PIEZO1: variants seen among roughly 807,000 people sequenced by gnomAD.
PIEZO1 encodes the protein piezo type mechanosensitive ion channel component 1 (Er blood group).
PIEZO1 carries 296 observed loss-of-function variants against 297.2 expected under a neutral mutation model. The ratio of observed to expected loss-of-function variants is 1.00; its 90% CI spans 0.91 to 1.10. The LOEUF (loss-of-function observed/expected upper bound fraction) is 1.10, where lower values mean the gene tolerates loss of function less well. Among genes scored for constraint, PIEZO1 ranks in the 50% least tolerant of loss-of-function variants. The pLI, the probability that PIEZO1 is intolerant of heterozygous loss-of-function variation, is 0.00. For synonymous variants in PIEZO1, 2,427 were observed against 1,507.5 expected, an observed-to-expected ratio of 1.61 and a Z score of -14.13; for missense variants, 5,018 against 3,455.5, an observed-to-expected ratio of 1.45 and a Z score of -11.34.
Position 88,760,327 on chromosome 16 carries a change from G to A in PIEZO1, c.65-10848C>T, listed in dbSNP as rs138729550. On this transcript the variant is annotated intron_variant, in intron 1 of 50. Transcript: ENST00000301015. ...AGGAAGCCCCTCTTCCTGCCTCATG[G>A]ACAAAGAAGAGTTGAGAGAAACTCA... is the stretch of plus-strand genomic sequence containing the variant. 7.8e-3 allele frequency among the ~76,000 whole-genome samples: 1,181 copies of A among 152,262 alleles called. 10 individuals carry two copies. Among genetic ancestry groups the A allele is most frequent in the African/African-American group, 0.027 (1,124 of 41,538 alleles).
At position 88,725,483 on chromosome 16, in the gene PIEZO1, C is replaced by G. The variant is rs948174208; in HGVS notation, c.4095G>C (p.Arg1365Ser). 1 of 1,524,690 alleles carries G rather than the reference C, an allele frequency of 6.6e-7. No individual in the cohort carries two copies. Among genetic ancestry groups the G allele is most frequent in the African/African-American group, 1.4e-5 (1 of 72,568 alleles). 94.4% of individuals were successfully genotyped at this position (1,524,690 alleles called of 1,614,324 possible). A position where few individuals can be genotyped will look rare whatever the true frequency, so the allele number is the denominator to read the frequency against. The change falls in exon 29 of 51, where the codon AGG becomes AGC. Residue 1365 changes from arginine (R) to serine (S), a missense_variant. Arg to Ser is a moderately radical substitution (Grantham distance 110). Transcript: ENST00000301015. ...ERIRAKQEKH[R>S]QGRVDRSRPQ... ...GGCGACTGCGGTCCACCCGGCCCTG[C>G]CTGTGCTTCTCCTGCTTGGCACGGA... is the stretch of plus-strand genomic sequence containing the variant.
chr16:88,767,090 C>T (rs541194403), intron 1 of PIEZO1, among the ~76,000 whole-genome samples: 3 of 152,378 alleles, frequency 2.0e-5, no homozygotes, highest in South Asian at 2.1e-4. Flanking sequence ...CTTCTCCGAT[C>T]GATTGGCTTC....
At position 88,733,287 on chromosome 16, in the gene PIEZO1, G is replaced by A. The variant is rs140224299; in HGVS notation, c.2655C>T (p.Asn885=). 4.5e-4 allele frequency: 697 copies of A among 1,541,450 alleles called. 5 individuals are homozygous for A. In the African/African-American group the frequency reaches 8.2e-3, roughly 18 times the overall value. Residue 885 remains asparagine (N), a synonymous_variant, in exon 19 of 51, where the codon AAC becomes AAT. Transcript: ENST00000301015. ...CCTCGGGGGCCGGTACCTCGGTGCA[G>A]TTGCTGGAATACTCCTGGGGGTTGA... ...KVVNPQEYSS[N]CTEPFPNSTN...
intron 1 of PIEZO1, among the ~76,000 whole-genome samples, chr16:88,756,634 G>A (rs963506473): frequency 6.6e-6 from 1 of 152,100 alleles, no homozygotes; most frequent in Admixed American, 6.5e-5. Context: ...TGGGTGTGGT[G>A]GTGGGTGCCT....
At chr16:88,725,814 C>G (rs954665507) in intron 27 of PIEZO1, 130 bp from the exon 28 acceptor site, 5 of 632,170 alleles carry the variant, frequency 7.9e-6, no homozygotes, top group Admixed American at 5.3e-5. Context: ...AAGAGGCACC[C>G]ACGGGGGAGG....
At chr16:88,721,787 T>TC in intron 37 of PIEZO1, 21 bp downstream of exon 37, 1 of 1,524,074 alleles carries the variant, frequency 6.6e-7, no homozygotes, top group East Asian at 2.5e-5. Flanking sequence ...GGGCGCCCCC[T>TC]CCCCCGCGGC....
In PIEZO1 at chr16:88,725,477, G is replaced by A. The variant is rs1411480493; in HGVS notation, c.4101C>T (p.Gly1367=). The A allele has an allele frequency of 1.3e-6, 2 of 1,522,196 alleles. No homozygotes were observed. The highest frequency in any genetic ancestry group is 1.8e-6 in the Non-Finnish European group (2 of 1,130,846). The allele number at this position is 1,522,196 out of a possible 1,614,324, so 94.3% of individuals were successfully genotyped here. A position where few individuals can be genotyped will look rare whatever the true frequency, so the allele number is the denominator to read the frequency against. ...IRAKQEKHRQ[G]RVDRSRPQDT... ...CCTGGGGGCGACTGCGGTCCACCCG[G>A]CCCTGCCTGTGCTTCTCCTGCTTGG... is the stretch of plus-strand genomic sequence containing the variant. The change falls in exon 29 of 51, where the codon GGC becomes GGT. Residue 1367 remains glycine (G), a synonymous_variant. Coordinates refer to ENST00000301015, the MANE Select transcript of PIEZO1 (RefSeq NM_001142864.4).
At position 88,725,054 on chromosome 16, in the gene PIEZO1, G is replaced by A; in HGVS notation, c.4189C>T (p.Pro1397Ser). Residue 1397 changes from proline (P) to serine (S), a missense_variant, in exon 30 of 51, where the codon CCG becomes TCG. Transcript: ENST00000301015. ...PGPDSPGGSS[P>S]PRRQWWRPWL... ...GGCCGCCACCACTGCCTCCGTGGCG[G>A]GGAGGAGCCCCCTGGACTGTCGGGC... The A allele has an allele frequency of 6.7e-7, 1 of 1,500,328 alleles. No individual in the cohort carries two copies. Among genetic ancestry groups the A allele is most frequent in the Non-Finnish European group, 8.9e-7 (1 of 1,127,252 alleles). The allele number at this position is 1,500,328 out of a possible 1,614,324, so 92.9% of individuals were successfully genotyped here. A position where few individuals can be genotyped will look rare whatever the true frequency, so the allele number is the denominator to read the frequency against.
intron 1 of PIEZO1, among the ~76,000 whole-genome samples, chr16:88,774,295 G>A (rs190092326): frequency 1.3e-5 from 2 of 152,242 alleles, no homozygotes; most frequent in Non-Finnish European, 2.9e-5. Flanking sequence ...GGAGGCTGAG[G>A]CATGAGAATC....
chr16:88,723,880 A>G lies in PIEZO1; in HGVS notation c.4326T>C (p.Ser1442=), dbSNP rs1904303648. ...VPEDPRPSAQ[S]AFQLAYQAWV... ...GGCTCTCCCACCTCACCTGGAAGGC[A>G]CTCTGTGCCGACGGCCTCGGGTCTT... is the stretch of plus-strand genomic sequence containing the variant. The change falls in exon 31 of 51, where the codon AGT becomes AGC. Residue 1442 remains serine (S), a synonymous_variant. Coordinates refer to ENST00000301015, the MANE Select transcript of PIEZO1 (RefSeq NM_001142864.4). 3 of 1,534,318 alleles carry G rather than the reference A, an allele frequency of 2.0e-6. No homozygotes were observed. Among genetic ancestry groups the G allele is most frequent in the African/African-American group, 1.4e-5 (1 of 72,720 alleles).
At position 88,785,037 on chromosome 16, in the gene PIEZO1, G is replaced by C. The variant is rs1391804457; in HGVS notation, c.-73C>G. 4 of 953,124 alleles carry C rather than the reference G, an allele frequency of 4.2e-6. No individual in the cohort carries two copies. Among genetic ancestry groups the C allele is most frequent in the Non-Finnish European group, 5.3e-6 (4 of 749,492 alleles). The allele number at this position is 953,124 out of a possible 1,614,324, so 59.0% of individuals were successfully genotyped here. On this transcript the variant is annotated 5_prime_UTR_variant, in exon 1 of 51. Transcript: ENST00000301015. ...CTATGGGGCGGTGCGGGGGCCCCGGGGCCGGCGCGCCATGGCTGACCCGCG... is the reference window on the plus strand; with the variant it reads ...CTATGGGGCGGTGCGGGGGCCCCGGCGCCGGCGCGCCATGGCTGACCCGCG...
intron 1 of PIEZO1, among the ~76,000 whole-genome samples, chr16:88,767,250 T>A (rs3848236): frequency 6.6e-6 from 1 of 151,962 alleles, no homozygotes. Flanking sequence ...TGGAATTCCA[T>A]CCAGGGCCAT....
chr16:88,742,362 T>A lies in PIEZO1; in HGVS notation c.221A>T (p.His74Leu), dbSNP rs1276456322. The A allele has an allele frequency of 4.6e-6, 7 of 1,535,336 alleles. No homozygotes were observed. The highest frequency in any genetic ancestry group is 8.7e-7 in the Non-Finnish European group (1 of 1,146,590). ...LGLSLLFLVA[H>L]LALQICLHIV... ...ATGCAGGCAGATCTGGAGGGCGAGA[T>A]GGGCCACCAGGAAGAGCAGGCTGAG... Residue 74 changes from histidine (H) to leucine (L), a missense_variant, in exon 3 of 51, where the codon CAT (histidine) becomes CTT (leucine). Transcript: ENST00000301015.
chr16:88,721,652 G>A lies in PIEZO1; in HGVS notation c.5289C>T (p.Tyr1763=), dbSNP rs72811487. Residue 1763 remains tyrosine (Y), a synonymous_variant, in exon 38 of 51, where the codon TAC becomes TAT. Coordinates refer to ENST00000301015, the MANE Select transcript of PIEZO1 (RefSeq NM_001142864.4). ...PWNSHVVLRR[Y]ENKPYFPPRI... is the part of the protein sequence containing the mutation. ...GGGGCGGGAAGTAGGGCTTGTTCTC[G>A]TAGCGCCGCAGCACCACGTGGCTGT... 47,339 of 1,550,028 alleles carry A rather than the reference G, an allele frequency of 0.031. 820 individuals carry two copies. The highest frequency in any genetic ancestry group is 0.042 in the Middle Eastern group (252 of 5,978).
chr16:88,731,427 G>A, intron 22 of PIEZO1: 2 of 469,868 alleles, frequency 4.3e-6, no homozygotes, highest in Admixed American at 3.8e-5. Flanking sequence ...TGCTCCTTGT[G>A]TGACTCACAA....
chr16:88,761,503 C>G (rs1906930505), intron 1 of PIEZO1, among the ~76,000 whole-genome samples: 1 of 152,224 alleles, frequency 6.6e-6, no homozygotes, highest in African/African-American at 2.4e-5. Flanking sequence ...CTTCCGGTCC[C>G]CACACCATGG....
In PIEZO1 at chr16:88,726,000, G is replaced by T. The variant is rs537824703; in HGVS notation, c.3968+284C>A. 9.8e-4 allele frequency: 552 copies of T among 565,444 alleles called. 1 individual carries two copies. The highest frequency in any genetic ancestry group is 9.0e-3 in the African/African-American group (483 of 53,390). The allele number at this position is 565,444 out of a possible 1,614,324, so 35.0% of individuals were successfully genotyped here. A position where few individuals can be genotyped will look rare whatever the true frequency, so the allele number is the denominator to read the frequency against. On this transcript the variant is annotated intron_variant, in intron 27 of 50. Transcript: ENST00000301015. ...CGTGACACCACACAGTGGCCCTCCC[G>T]CTGGTGGAGAAACTTAGCCCTTAGT...
chr16:88,746,528 C>A (rs1025368455), intron 2 of PIEZO1, among the ~76,000 whole-genome samples: 5 of 152,198 alleles, frequency 3.3e-5, no homozygotes, highest in African/African-American at 7.2e-5. Flanking sequence ...AAGGATCAGG[C>A]TGACGCCTAC....
chr16:88,753,295 G>A (rs1217950286), intron 1 of PIEZO1, among the ~76,000 whole-genome samples: 1 of 38,882 alleles, frequency 2.6e-5, no homozygotes, highest in Non-Finnish European at 4.6e-5. Context: ...GAGCGTACCC[G>A]GCCCCCCGCA....
Sources: allele counts gnomAD v4.1 joint callset (sites outside exome capture counted in the v4.1 genomes callset), GRCh38; gene constraint gnomAD v4.1.1; transcripts MANE v1.5; gene names NCBI Gene and HGNC (gene_info 2026-07-23, HGNC 2026-07-21).